Variants in PNPLA5 observed in about 807,000 individuals in gnomAD.
The protein encoded by PNPLA5 is patatin like domain 5, triacylglycerol lipase.
Under a neutral mutation model 49.1 loss-of-function variants are expected in PNPLA5, and 44 were observed. The observed-to-expected ratio is 0.90, with a 90% CI of 0.70 to 1.15. The LOEUF (loss-of-function observed/expected upper bound fraction) is 1.15. Among genes scored for constraint, PNPLA5 ranks in the 50% most tolerant of loss-of-function variants. PNPLA5 has a pLI of 0.00. For missense variants in PNPLA5, 603 were observed against 564.0 expected, an observed-to-expected ratio of 1.07 and a Z score of -0.70; for synonymous variants, 243 against 244.4, an observed-to-expected ratio of 0.99 and a Z score of 0.06.
Position 43,881,130 on chromosome 22 carries a change from G to T in PNPLA5, c.1200-245C>A, listed in dbSNP as rs369689402. On this transcript the variant is annotated intron_variant, in intron 8 of 8. Transcript: ENST00000216177. ...AGATAACTGTCGAGTGGGTGGGGGAGGGCCACACAGGACCCCCCAAGTCTG... is the reference window on the plus strand; with the variant it reads ...AGATAACTGTCGAGTGGGTGGGGGATGGCCACACAGGACCCCCCAAGTCTG... Among the ~76,000 whole-genome samples the T allele has an allele frequency of 2.0e-5, 3 of 152,162 alleles. No individual in the cohort carries two copies. In the East Asian group the frequency reaches 5.8e-4, roughly 29 times the overall value.
chr22:43,887,760 C>A, intron 4 of PNPLA5, 109 bp from the exon 5 acceptor site: 2 of 1,534,028 alleles, frequency 1.3e-6, no homozygotes, highest in Non-Finnish European at 1.8e-6. Flanking sequence ...CCAGCCCAGC[C>A]TATTCTCCCC....
Position 43,891,947 on chromosome 22 carries a change from G to C in PNPLA5, c.-67C>G. ...ACTCCGTGACCCGGGATAGGGCCGG[G>C]ATGCAGCCTTGGACGGGGCTGGGCC... is the stretch of plus-strand genomic sequence containing the variant. On this transcript the variant is annotated 5_prime_UTR_variant, in exon 1 of 9. In the 5' UTR this introduces an upstream ATG that the reference lacks. Coordinates refer to ENST00000216177, the MANE Select transcript of PNPLA5 (RefSeq NM_138814.4). The C allele has an allele frequency of 6.9e-7, 1 of 1,442,032 alleles. No homozygotes were observed. Among genetic ancestry groups the C allele is most frequent in the Non-Finnish European group, 9.2e-7 (1 of 1,087,614 alleles). The allele number at this position is 1,442,032 out of a possible 1,614,324, so 89.3% of individuals were successfully genotyped here.
chr22:43,880,228 A>AC lies in PNPLA5; in HGVS notation c.*566dup, dbSNP rs2148323235. 1 of 394,356 alleles carries AC rather than the reference A, an allele frequency of 2.5e-6. No homozygotes were observed. The highest frequency in any genetic ancestry group is 4.5e-6 in the Non-Finnish European group (1 of 224,266). The allele number at this position is 394,356 out of a possible 1,614,324, so 24.4% of individuals were successfully genotyped here. A position where few individuals can be genotyped will look rare whatever the true frequency, so the allele number is the denominator to read the frequency against. The stretch of plus-strand genomic sequence containing the variant: ...CAGCTGGGATCCTGAAAAGACCTGG[A>AC]CCCCCCTCTCCTCCTCCTCCTGCTT... On this transcript the variant is annotated 3_prime_UTR_variant, in exon 9 of 9. Coordinates refer to ENST00000216177, the MANE Select transcript of PNPLA5 (RefSeq NM_138814.4).
Position 43,886,396 on chromosome 22 carries a change from A to G in PNPLA5, c.856T>C (p.Trp286Arg), listed in dbSNP as rs739231. The change falls in exon 6 of 9, where the codon TGG becomes CGG. Residue 286 changes from tryptophan to arginine, a missense_variant. Trp to Arg is a moderately radical substitution (Grantham distance 101, BLOSUM62 -3). Coordinates refer to ENST00000216177, the MANE Select transcript of PNPLA5 (RefSeq NM_138814.4). ...CAGTTGAGAGACAGGCCCCCCTTCC[A>G]GCGTTGGTCACAGCCAGCATCCCAG... ...GNWDAGCDQRWKGGLSLNWKV... is the reference protein window; with the variant it reads ...GNWDAGCDQRRKGGLSLNWKV... 0.4 allele frequency: 641,090 copies of G among 1,613,160 alleles called. 137,584 individuals carry two copies. Among genetic ancestry groups the G allele is most frequent in the East Asian group, 0.93 (41,782 of 44,864 alleles).
Position 43,880,235 on chromosome 22 carries a change from TCTC to T in PNPLA5, c.*557_*559del, listed in dbSNP as rs1234220538. ...GATCCTGAAAAGACCTGGACCCCCC[TCTC>T]CTCCTCCTCCTGCTTCCTGCCAGGG... On this transcript the variant is annotated 3_prime_UTR_variant, in exon 9 of 9. Coordinates refer to ENST00000216177, the MANE Select transcript of PNPLA5 (RefSeq NM_138814.4). 115 of 384,306 alleles carry T rather than the reference TCTC, an allele frequency of 3.0e-4. No individual in the cohort carries two copies. Among genetic ancestry groups the T allele is most frequent in the Middle Eastern group, 6.5e-4 (1 of 1,548 alleles). 23.8% of individuals were successfully genotyped at this position (384,306 alleles called of 1,614,324 possible).
rs1324596348 is a variant in PNPLA5 at position 43,887,317 on chromosome 22, C to CTGT, written c.763+273_763+274insACA. 5.9e-3 allele frequency among the ~76,000 whole-genome samples: 897 copies of CTGT among 152,338 alleles called. 17 individuals carry two copies. Among genetic ancestry groups the CTGT allele is most frequent in the African/African-American group, 0.02 (852 of 41,578 alleles). On this transcript the variant is annotated intron_variant, in intron 5 of 8. Transcript: ENST00000216177. Reference sequence around the variant, plus strand: ...GTCCAATGCCTCCTCTGGACTCCCACAGCCTTGAGCATCCCTCTGTCACTA... The same window carrying CTGT: ...GTCCAATGCCTCCTCTGGACTCCCACTGTAGCCTTGAGCATCCCTCTGTCACTA...
intron 3 of PNPLA5, 103 bp from the exon 4 acceptor site, chr22:43,889,641 A>C: frequency 2.6e-6 from 4 of 1,527,624 alleles, no homozygotes; most frequent in South Asian, 2.6e-5. Flanking sequence ...CACCAGGGCC[A>C]CTCCAGCCCA....
chr22:43,889,216 T>G (rs1353042548), intron 4 of PNPLA5, 113 bp downstream of exon 4: 1 of 1,218,456 alleles, frequency 8.2e-7, no homozygotes, highest in Non-Finnish European at 1.2e-6. Flanking sequence ...GGGACATGTG[T>G]TGTAACTGCC....
At chr22:43,889,991 G>T in intron 2 of PNPLA5, 127 bp from the exon 3 acceptor site, 1 of 1,460,526 alleles carries the variant, frequency 6.8e-7, no homozygotes, top group South Asian at 1.4e-5. Context: ...CCAGATGAGG[G>T]AGCTGAGGCA....
chr22:43,887,558 A>C lies in PNPLA5; in HGVS notation c.763+33T>G, dbSNP rs1488948525. 3 of 1,603,060 alleles carry C rather than the reference A, an allele frequency of 1.9e-6. No homozygotes were observed. The Admixed American group carries it at 5.1e-5, about 27-fold the overall frequency. ...GGGTCTACCTGGCACCATGTGGGAC[A>C]TGATCCCCAGCCACTGTGGGACTGC... On this transcript the variant is annotated intron_variant, in intron 5 of 8. Transcript: ENST00000216177.
rs743935 is a variant in PNPLA5 at position 43,889,932 on chromosome 22, C to A, written c.427-68G>T. 5.7e-6 allele frequency: 9 copies of A among 1,574,500 alleles called. No individual in the cohort carries two copies. In the Admixed American group the frequency reaches 7.6e-5, roughly 13 times the overall value. ...CTTGCATTCAGAACCTTCCTAGGCACGGTTTCTAATCCCAACAGCCTGCAA... is the reference window on the plus strand; with the variant it reads ...CTTGCATTCAGAACCTTCCTAGGCAAGGTTTCTAATCCCAACAGCCTGCAA... On this transcript the variant is annotated intron_variant, in intron 2 of 8. Coordinates refer to ENST00000216177, the MANE Select transcript of PNPLA5 (RefSeq NM_138814.4).
intron 8 of PNPLA5, among the ~76,000 whole-genome samples, chr22:43,881,215 C>T (rs1217462230): frequency 6.6e-6 from 1 of 152,210 alleles, no homozygotes; most frequent in African/African-American, 2.4e-5. Context: ...ACAGGGCCAG[C>T]CTCGTCCAAG....
intron 2 of PNPLA5, among the ~76,000 whole-genome samples, 198 bp downstream of exon 2, chr22:43,890,864 T>G (rs2148331077): frequency 6.6e-6 from 1 of 152,312 alleles, no homozygotes; most frequent in East Asian, 1.9e-4. Context: ...GACCCTTCTG[T>G]GTGCAGCAAC....
rs1461515194 is a variant in PNPLA5, at chr22:43,891,735, G to A, written c.146C>T (p.Ser49Leu). 7.1e-6 allele frequency: 11 copies of A among 1,547,460 alleles called. No individual in the cohort carries two copies. Among genetic ancestry groups the A allele is most frequent in the African/African-American group, 6.9e-5 (5 of 72,584 alleles). Residue 49 changes from serine to leucine, a missense_variant, in exon 1 of 9, where the codon TCG (serine) becomes TTG (leucine). By Grantham distance (145) the Ser-to-Leu change is moderately radical. Transcript: ENST00000216177. ...GCTGACTGCGTTGAGCGCCCCAGAC[G>A]AGGAACCGTAGATGCGGCGGGCGCC... ...LQGARRIYGSSSGALNAVSIV... is the reference protein window; with the variant it reads ...LQGARRIYGSLSGALNAVSIV...
chr22:43,889,031 G>A (rs1439221508), intron 4 of PNPLA5, among the ~76,000 whole-genome samples: 1 of 152,214 alleles, frequency 6.6e-6, no homozygotes. Flanking sequence ...TACAGACCCT[G>A]GCCCAGAGGA....
chr22:43,888,408 G>GTGTGTGTA (rs2049688376), intron 4 of PNPLA5, among the ~76,000 whole-genome samples: 1 of 125,478 alleles, frequency 8.0e-6, no homozygotes, highest in Admixed American at 8.5e-5. Flanking sequence ...GTGTGTGTGT[G>GTGTGTGTA]TGTTTCTTTC....
At position 43,891,052 on chromosome 22, in the gene PNPLA5, C is replaced by T. The variant is rs752431569; in HGVS notation, c.426+10G>A. 1.1e-5 allele frequency: 17 copies of T among 1,601,268 alleles called. 1 individual carries two copies. In the South Asian group the frequency reaches 1.2e-4, roughly 12 times the overall value. On this transcript the variant is annotated intron_variant, in intron 2 of 8. Coordinates refer to ENST00000216177, the MANE Select transcript of PNPLA5 (RefSeq NM_138814.4). Reference sequence around the variant, plus strand: ...CACCAGCCAAGCCCTGGGCACCCCCCGCCCCACACCTGGATGAGCTCATCG... The same window carrying T: ...CACCAGCCAAGCCCTGGGCACCCCCTGCCCCACACCTGGATGAGCTCATCG...
chr22:43,880,687 G>A lies in PNPLA5; in HGVS notation c.*108C>T, dbSNP rs538848577. 14 of 1,097,056 alleles carry A rather than the reference G, an allele frequency of 1.3e-5. No individual in the cohort carries two copies. The highest frequency in any genetic ancestry group is 8.1e-5 in the African/African-American group (5 of 61,416). The allele number at this position is 1,097,056 out of a possible 1,614,324, so 68.0% of individuals were successfully genotyped here. A position where few individuals can be genotyped will look rare whatever the true frequency, so the allele number is the denominator to read the frequency against. On this transcript the variant is annotated 3_prime_UTR_variant, in exon 9 of 9. Transcript: ENST00000216177. Reference sequence around the variant, plus strand: ...GGGCTCCAAGCTGCAGGGTCTCCACGGAGATTGGCAGGGCCTCTTCCCGCT... The same window carrying A: ...GGGCTCCAAGCTGCAGGGTCTCCACAGAGATTGGCAGGGCCTCTTCCCGCT...
At chr22:43,886,148 A>G (rs1416536345) in intron 6 of PNPLA5, among the ~76,000 whole-genome samples, 155 bp downstream of exon 6, 2 of 152,192 alleles carry the variant, frequency 1.3e-5, no homozygotes, top group Non-Finnish European at 2.9e-5. Flanking sequence ...GCCACATGTG[A>G]AAAGCCCATA....
Sources: gnomAD v4.1 joint callset for allele counts (sites outside exome capture counted in the v4.1 genomes callset) on GRCh38, gnomAD v4.1.1 for gene constraint, MANE v1.5 for transcripts, NCBI Gene and HGNC (gene_info 2026-07-23, HGNC 2026-07-21) for gene names.